GSE1: variants seen among roughly 807,000 people sequenced by gnomAD.
GSE1 encodes genetic suppressor element 1.
Under a neutral mutation model 112.6 loss-of-function variants are expected in GSE1, and 32 were observed. The observed-to-expected ratio is 0.28, with a 90% CI of 0.21 to 0.38. GSE1 has a LOEUF of 0.38. Ranked by LOEUF, GSE1 falls within the 10% of genes least tolerant of loss-of-function variation. The pLI is 1.00. For synonymous variants in GSE1, 1,115 were observed against 735.6 expected (o/e 1.52, Z -8.35); for missense variants, 2,348 against 1,699.2 (o/e 1.38, Z -6.71).
At position 85,663,444 on chromosome 16, in the gene GSE1, G is replaced by C. The variant is rs781256278; in HGVS notation, c.2474G>C (p.Arg825Thr). ...RRKRRRMLRE[R>T]SPSPPTIQSK... The stretch of plus-strand genomic sequence containing the variant: ...AAGCGGCGGAGGATGCTGCGAGAGA[G>C]AAGCCCGTCGCCCCCAACAATTCAG... The change falls in exon 11 of 16, where the codon AGA becomes ACA. Residue 825 changes from arginine (R) to threonine (T), a missense_variant. Physicochemically the swap from Arg to Thr is moderately conservative, Grantham distance 71. Transcript: ENST00000253458. 27 of 1,613,906 alleles carry C rather than the reference G, an allele frequency of 1.7e-5. No homozygotes were observed. In the East Asian group the frequency reaches 5.8e-4, roughly 35 times the overall value.
intron 1 of GSE1, among the ~76,000 whole-genome samples, chr16:85,190,571 A>C (rs533580975): frequency 1.4e-4 from 22 of 152,376 alleles, no homozygotes; most frequent in African/African-American, 5.0e-4. Flanking sequence ...AGTTGAGTCT[A>C]ACACTCTTCA....
At chr16:85,417,192 A>G (rs956574312) in intron 2 of GSE1, among the ~76,000 whole-genome samples, 2 of 152,152 alleles carry the variant, frequency 1.3e-5, no homozygotes. Flanking sequence ...GGGTGAGATA[A>G]TTTTGGGTGG....
chr16:85,408,838 A>G (rs566484745), intron 2 of GSE1, among the ~76,000 whole-genome samples: 1 of 42,806 alleles, frequency 2.3e-5, no homozygotes, highest in Non-Finnish European at 4.6e-5. Flanking sequence ...CCTCACTGTT[A>G]CACTCAGGCC....
At chr16:85,263,685 G>C (rs143716567) in intron 1 of GSE1, among the ~76,000 whole-genome samples, 25 of 151,740 alleles carry the variant, frequency 1.6e-4, no homozygotes, top group Non-Finnish European at 3.1e-4. Flanking sequence ...CGATTCTCCC[G>C]CCTCAGCCTC....
At chr16:85,208,845 G>A (rs1462614558) in intron 1 of GSE1, among the ~76,000 whole-genome samples, 2 of 106,336 alleles carry the variant, frequency 1.9e-5, no homozygotes, top group East Asian at 2.5e-4. Flanking sequence ...GTTGGCGTTC[G>A]CCTGTGTTGG....
At chr16:85,646,866 G>A (rs547364837) in intron 2 of GSE1, among the ~76,000 whole-genome samples, 1 of 146,306 alleles carries the variant, frequency 6.8e-6, no homozygotes, top group Non-Finnish European at 1.5e-5. Context: ...TCTGGTCTCG[G>A]TCACGGGGGC....
In GSE1 at chr16:85,671,008, G is replaced by A. The variant is rs574893937; in HGVS notation, c.3429G>A (p.Glu1143=). Residue 1143 remains glutamate, a synonymous_variant, in exon 15 of 16, where the codon GAG becomes GAA. Coordinates refer to ENST00000253458, the MANE Select transcript of GSE1 (RefSeq NM_014615.5). Reference sequence around the variant, plus strand: ...CTGTCTTTTCAGAGCAAAATCTGGAGCGGCAGGTGTTACAGACACAATGTA... The same window carrying A: ...CTGTCTTTTCAGAGCAAAATCTGGAACGGCAGGTGTTACAGACACAATGTA... ...YQEHIEEQNL[E]RQVLQTQCRR... The A allele has an allele frequency of 2.1e-5, 34 of 1,608,818 alleles. No individual in the cohort carries two copies. In the East Asian group the frequency reaches 7.1e-4, roughly 34 times the overall value.
intron 1 of GSE1, among the ~76,000 whole-genome samples, chr16:85,597,232 G>A (rs1380851396): frequency 4.0e-5 from 6 of 151,814 alleles, no homozygotes. Context: ...GCCTGCCTTG[G>A]CCTCCCAAAG....
intron 2 of GSE1, among the ~76,000 whole-genome samples, chr16:85,640,464 C>A (rs2050350034): frequency 6.6e-6 from 1 of 152,230 alleles, no homozygotes; most frequent in Admixed American, 6.5e-5. Flanking sequence ...GCCGCCTTCC[C>A]CTGGTGGTGT....
At chr16:85,478,771 T>G (rs1447279907) in intron 2 of GSE1, among the ~76,000 whole-genome samples, 3 of 147,368 alleles carry the variant, frequency 2.0e-5, no homozygotes, top group East Asian at 2.2e-4. Flanking sequence ...AAGTTCAAGT[T>G]ATTATCCTGC....
chr16:85,540,894 G>A (rs1400659440), intron 2 of GSE1, among the ~76,000 whole-genome samples: 2 of 152,174 alleles, frequency 1.3e-5, no homozygotes, highest in Non-Finnish European at 2.9e-5. Flanking sequence ...GCAATAGAGT[G>A]AGACCCTGTC....
chr16:85,231,432 AC>A (rs1253711709), intron 1 of GSE1, among the ~76,000 whole-genome samples: 42 of 149,258 alleles, frequency 2.8e-4, no homozygotes, highest in South Asian at 8.6e-4. Flanking sequence ...GGATGGATGG[AC>A]AGATGAATGG....
chr16:85,381,872 T>C (rs1180499665), intron 2 of GSE1, among the ~76,000 whole-genome samples: 2 of 152,224 alleles, frequency 1.3e-5, no homozygotes, highest in East Asian at 3.9e-4. Context: ...CCTCTCCCTG[T>C]CAGGGTCCCC....
chr16:85,340,130 G>A (rs1350041920), intron 1 of GSE1, among the ~76,000 whole-genome samples: 6 of 152,172 alleles, frequency 3.9e-5, no homozygotes, highest in Non-Finnish European at 7.4e-5. Context: ...ATCATGCAAG[G>A]CTGAGCCCAG....
At chr16:85,170,177 G>T (rs2074335999) in exon 1 of GSE1, 1 of 985,304 alleles carries the variant, frequency 1.0e-6, no homozygotes, top group South Asian at 4.7e-5. Flanking sequence ...CCGGCTCCGG[G>T]ACCCGCTCCG....
At chr16:85,343,622 C>T (rs9972638) in intron 1 of GSE1, among the ~76,000 whole-genome samples, 34 of 152,016 alleles carry the variant, frequency 2.2e-4, no homozygotes, top group Non-Finnish European at 4.1e-4. Context: ...TGGTGGTGCA[C>T]GCCTGTAGAC....
At chr16:85,483,572 A>T (rs2050747634) in intron 2 of GSE1, among the ~76,000 whole-genome samples, 1 of 152,272 alleles carries the variant, frequency 6.6e-6, no homozygotes, top group Non-Finnish European at 1.5e-5. Flanking sequence ...GGCGATGCCC[A>T]GGCCCCCGGC....
chr16:85,362,256 A>G (rs1003832368), intron 2 of GSE1, among the ~76,000 whole-genome samples: 10 of 152,186 alleles, frequency 6.6e-5, no homozygotes, highest in Admixed American at 6.5e-5. Flanking sequence ...TCTCTTTCCA[A>G]TACTCTTCGG....
intron 2 of GSE1, among the ~76,000 whole-genome samples, chr16:85,541,204 A>G (rs2044505553): frequency 1.3e-5 from 2 of 152,218 alleles, no homozygotes. Context: ...TGATAGGCCA[A>G]GGCTGGGATG....
Sources: gnomAD v4.1 joint callset for allele counts (sites outside exome capture counted in the v4.1 genomes callset) on GRCh38, gnomAD v4.1.1 for gene constraint, MANE v1.5 for transcripts, NCBI Gene and HGNC (gene_info 2026-07-23, HGNC 2026-07-21) for gene names.